The following DCLK3 variants were observed in gnomAD, a reference collection of about 807,000 sequenced individuals.
DCLK3 encodes the protein doublecortin like kinase 3.
Under a neutral mutation model 46.4 loss-of-function variants are expected in DCLK3, and 30 were observed. That is an observed-to-expected ratio of 0.65 (90% CI 0.48 to 0.88). The LOEUF is 0.88. DCLK3 is among the 40% of genes least tolerant of loss of function. The pLI is 0.00. For missense variants in DCLK3, 846 were observed against 907.1 expected, an observed-to-expected ratio of 0.93 and a Z score of 0.87; for synonymous variants, 401 against 339.2, an observed-to-expected ratio of 1.18 and a Z score of -2.00.
chr3:36,753,573 G>A lies in DCLK3; in HGVS notation c.82+10609C>T, dbSNP rs139064446. ...GCCTCTGCCGTTTTTGCCTTGTAAT[G>A]CAGACAAAGCAATTGGAAAAAAGCA... On this transcript the variant is annotated intron_variant, in intron 1 of 4. Coordinates refer to ENST00000636136, the MANE Select transcript of DCLK3 (RefSeq NM_001394672.2). Among the ~76,000 whole-genome samples, 177 of 152,326 alleles carry A rather than the reference G, an allele frequency of 1.2e-3. No homozygotes were observed. In the East Asian group the frequency reaches 0.025, roughly 22 times the overall value.
chr3:36,723,400 C>T (rs60415983), intron 2 of DCLK3, among the ~76,000 whole-genome samples: 2,781 of 152,274 alleles, frequency 0.018, 76 homozygotes, highest in African/African-American at 0.063. Flanking sequence ...AAGCCGGCTG[C>T]AGAAATTTGC....
At chr3:36,735,431 A>G (rs1701249055) in intron 2 of DCLK3, among the ~76,000 whole-genome samples, 1 of 152,222 alleles carries the variant, frequency 6.6e-6, no homozygotes, top group Non-Finnish European at 1.5e-5. Context: ...ATGAGTTAGG[A>G]CAAAAACACA....
At position 36,743,925 on chromosome 3, in the gene DCLK3, G is replaced by A. The variant is rs766799043; in HGVS notation, c.83-4841C>T. On this transcript the variant is annotated intron_variant, in intron 1 of 4. Transcript: ENST00000636136. ...CTACTCCCAAACCTTCTCTGTCCTC[G>A]TAAGTTCGCAGTGATAGCTCCCTCC... 4.6e-5 allele frequency among the ~76,000 whole-genome samples: 7 copies of A among 152,160 alleles called. 1 individual carries two copies. Among genetic ancestry groups the A allele is most frequent in the Middle Eastern group, 6.8e-3 (2 of 294 alleles).
At position 36,714,771 on chromosome 3, in the gene DCLK3, T is replaced by A. The variant is rs761980211; in HGVS notation, c.*557A>T. 3.3e-5 allele frequency: 5 copies of A among 152,370 alleles called. No homozygotes were observed. Among genetic ancestry groups the A allele is most frequent in the East Asian group, 1.9e-4 (1 of 5,204 alleles). 9.4% of individuals were successfully genotyped at this position (152,370 alleles called of 1,614,324 possible). ...AATGCAAGAGACCAAGATTAGTGCA[T>A]CCTAAATAAACAGGTCTTGTCAACT... On this transcript the variant is annotated 3_prime_UTR_variant, in exon 5 of 5. Coordinates refer to ENST00000636136, the MANE Select transcript of DCLK3 (RefSeq NM_001394672.2).
intron 2 of DCLK3, among the ~76,000 whole-genome samples, chr3:36,734,964 A>G (rs1414427012): frequency 1.3e-5 from 2 of 152,254 alleles, no homozygotes; most frequent in Non-Finnish European, 2.9e-5. Context: ...CTATTGCCCA[A>G]GAGATGGGTG....
Position 36,737,897 on chromosome 3 carries a change from C to T in DCLK3, c.1270G>A (p.Glu424Lys). Residue 424 changes from glutamate to lysine, a missense_variant, in exon 2 of 5, where the codon GAG (glutamate) becomes AAG (lysine). Physicochemically the swap from Glu to Lys is moderately conservative, Grantham distance 56. Coordinates refer to ENST00000636136, the MANE Select transcript of DCLK3 (RefSeq NM_001394672.2). The surrounding 1 kb of genome is among the most constrained non-coding windows in gnomAD (Gnocchi z 4.4). ...TCCTTCTTCACCTCCCTCAGCCCCT[C>T]CTCTGTGACAGGAAGAACTTCCACA... The part of the protein sequence containing the change: ...DLVEVLPVTE[E>K]GLREVKKDTR... 6.2e-7 allele frequency: 1 copy of T among 1,614,120 alleles called. No individual in the cohort carries two copies. The highest frequency in any genetic ancestry group is 8.5e-7 in the Non-Finnish European group (1 of 1,180,044).
At chr3:36,729,538 G>A (rs1342635744) in intron 2 of DCLK3, among the ~76,000 whole-genome samples, 1 of 152,190 alleles carries the variant, frequency 6.6e-6, no homozygotes, top group Non-Finnish European at 1.5e-5. Flanking sequence ...ATAGCATCTG[G>A]ATAATCTGAA....
intron 2 of DCLK3, among the ~76,000 whole-genome samples, chr3:36,726,205 TTAAA>T (rs1047006974): frequency 3.8e-4 from 58 of 152,064 alleles, no homozygotes; most frequent in African/African-American, 1.3e-3. Flanking sequence ...TGAGGGAAGG[TTAAA>T]TAATCAGACA....
chr3:36,725,929 T>C (rs892082972), intron 2 of DCLK3, among the ~76,000 whole-genome samples: 2 of 152,356 alleles, frequency 1.3e-5, no homozygotes, highest in Middle Eastern at 3.4e-3. Flanking sequence ...TTCTCATCTC[T>C]GGTAAGCCAA....
chr3:36,726,477 G>T (rs1379861343), intron 2 of DCLK3, among the ~76,000 whole-genome samples: 1 of 152,060 alleles, frequency 6.6e-6, no homozygotes, highest in African/African-American at 2.4e-5. Flanking sequence ...TGGGGCAAAG[G>T]CTCTCAATGC....
intron 1 of DCLK3, among the ~76,000 whole-genome samples, chr3:36,744,867 C>T (rs142661643): frequency 2.6e-5 from 4 of 152,310 alleles, no homozygotes; most frequent in East Asian, 1.9e-4. Flanking sequence ...GGGAGATAAA[C>T]GGAATTTCTG....
chr3:36,718,204 G>A (rs1696641700), intron 3 of DCLK3, 27 bp from the exon 4 acceptor site: 1 of 1,612,952 alleles, frequency 6.2e-7, no homozygotes, highest in Non-Finnish European at 8.5e-7. Context: ...AGAGACACAA[G>A]CAAACCTGAG....
Position 36,715,334 on chromosome 3 carries a change from T to C in DCLK3, c.2448A>G (p.Val816=), listed in dbSNP as rs756736128. 8 of 1,614,072 alleles carry C rather than the reference T, an allele frequency of 5.0e-6. No homozygotes were observed. In the East Asian group the frequency reaches 6.7e-5, roughly 13 times the overall value. The change falls in exon 5 of 5, where the codon GTA becomes GTG. Residue 816 remains valine, a synonymous_variant. Transcript: ENST00000636136. ...RSQHKRVVEQ[V]S ...CAGATTCCCAAGGTGGTGACTATGA[T>C]ACCTGCTCCACAACCCTCTTGTGCT...
At chr3:36,732,662 T>C (rs1575139742) in intron 2 of DCLK3, among the ~76,000 whole-genome samples, 2 of 152,356 alleles carry the variant, frequency 1.3e-5, no homozygotes, top group East Asian at 3.9e-4. Flanking sequence ...AAGTAGAGCT[T>C]AAGTATACTT....
At position 36,714,280 on chromosome 3, in the gene DCLK3, T is replaced by C. The variant is rs184145761; in HGVS notation, c.*1048A>G. The C allele has an allele frequency of 3.9e-5, 6 of 152,268 alleles. No individual in the cohort carries two copies. Among genetic ancestry groups the C allele is most frequent in the Admixed American group, 2.6e-4 (4 of 15,298 alleles). 9.4% of individuals were successfully genotyped at this position (152,268 alleles called of 1,614,324 possible). ...CCAAAACTGTTAGGGAAGGTAGACG[T>C]GAAAAAGCCACACTCTTGACTAGAT... On this transcript the variant is annotated 3_prime_UTR_variant, in exon 5 of 5. Coordinates refer to ENST00000636136, the MANE Select transcript of DCLK3 (RefSeq NM_001394672.2).
At chr3:36,754,606 C>T (rs964993996) in intron 1 of DCLK3, among the ~76,000 whole-genome samples, 1 of 152,192 alleles carries the variant, frequency 6.6e-6, no homozygotes, top group Non-Finnish European at 1.5e-5. Context: ...GAGACACTTA[C>T]AGGTAAGTTT....
chr3:36,713,815 A>T lies in DCLK3; in HGVS notation c.*1513T>A, dbSNP rs182587370. ...CAGGTCCGTAGTTGGATGGCCCTTC[A>T]GTATTGTCCCTGTTTGGGACAAAGG... On this transcript the variant is annotated 3_prime_UTR_variant, in exon 5 of 5. Transcript: ENST00000636136. 1 of 152,266 alleles carries T rather than the reference A, an allele frequency of 6.6e-6. No individual in the cohort carries two copies. The highest frequency in any genetic ancestry group is 1.5e-5 in the Non-Finnish European group (1 of 68,094). 9.4% of individuals were successfully genotyped at this position (152,266 alleles called of 1,614,324 possible). A position where few individuals can be genotyped will look rare whatever the true frequency, so the allele number is the denominator to read the frequency against.
At chr3:36,718,352 GA>G (rs1442687495) in intron 3 of DCLK3, among the ~76,000 whole-genome samples, 175 bp from the exon 4 acceptor site, 3 of 152,048 alleles carry the variant, frequency 2.0e-5, no homozygotes, top group Non-Finnish European at 4.4e-5. Context: ...TATACATAAG[GA>G]CTCTACACCA....
intron 1 of DCLK3, among the ~76,000 whole-genome samples, chr3:36,756,501 A>G (rs1335497235): frequency 1.3e-5 from 2 of 152,352 alleles, no homozygotes; most frequent in East Asian, 3.9e-4. Context: ...AGGGGAGCAC[A>G]TGGGTTATCT....
Sources: allele counts gnomAD v4.1 joint callset (sites outside exome capture counted in the v4.1 genomes callset), GRCh38; gene constraint gnomAD v4.1.1; non-coding constraint Gnocchi (gnomAD v3.1); transcripts MANE v1.5; gene names NCBI Gene and HGNC (gene_info 2026-07-23, HGNC 2026-07-21).